Variants in MRPL19 observed in about 807,000 individuals in gnomAD.
MRPL19 encodes the protein large ribosomal subunit protein bL19m.
Under a neutral mutation model 34.0 loss-of-function variants are expected in MRPL19, and 31 were observed. That is an observed-to-expected ratio of 0.91 (90% confidence interval 0.68 to 1.23). The LOEUF (loss-of-function observed/expected upper bound fraction) is 1.23. Ranked by LOEUF, MRPL19 falls within the 50% of genes most tolerant of loss-of-function variation. The pLI is 0.00. For missense variants in MRPL19, 384 were observed against 367.6 expected (o/e 1.04, Z -0.37); for synonymous variants, 152 against 127.7 (o/e 1.19, Z -1.28).
chr2:75,649,522 T>C (rs764753247), intron 2 of MRPL19, among the ~76,000 whole-genome samples: 1 of 152,196 alleles, frequency 6.6e-6, no homozygotes, highest in Non-Finnish European at 1.5e-5. Context: ...ACCTTTGTAT[T>C]AGATTATGTT....
chr2:75,652,409 T>A, intron 3 of MRPL19, 114 bp from the exon 4 acceptor site: 1 of 1,362,596 alleles, frequency 7.3e-7, no homozygotes, highest in South Asian at 1.3e-5. Flanking sequence ...ATTAAAACAT[T>A]TAGGAAGTTA....
intron 2 of MRPL19, among the ~76,000 whole-genome samples, chr2:75,647,906 T>A (rs1034158098): frequency 6.6e-6 from 1 of 152,132 alleles, no homozygotes; most frequent in Non-Finnish European, 1.5e-5. Flanking sequence ...AAATTTTTTT[T>A]AGACAGAGTC....
Position 75,658,296 on chromosome 2 carries a change from A to T in MRPL19, c.*3011A>T, listed in dbSNP as rs534677730. ...TGCTGGTCTTGAGTTCCTGGCCTCA[A>T]GCAGTCCTTAAGATTCATCCATGTT... is the stretch of plus-strand genomic sequence containing the variant. On this transcript the variant is annotated 3_prime_UTR_variant, in exon 6 of 6. Coordinates refer to ENST00000393909, the MANE Select transcript of MRPL19 (RefSeq NM_014763.4). Among the ~76,000 whole-genome samples, 1 of 152,222 alleles carries T rather than the reference A, an allele frequency of 6.6e-6. No homozygotes were observed. Among genetic ancestry groups the T allele is most frequent in the South Asian group, 2.1e-4 (1 of 4,828 alleles).
chr2:75,661,182 G>C lies in MRPL19; in HGVS notation c.*5897G>C, dbSNP rs1250248447. 1.3e-5 allele frequency: 2 copies of C among 152,148 alleles called. No individual in the cohort carries two copies. The highest frequency in any genetic ancestry group is 4.8e-5 in the African/African-American group (2 of 41,432). 9.4% of individuals were successfully genotyped at this position (152,148 alleles called of 1,614,324 possible). On this transcript the variant is annotated 3_prime_UTR_variant, in exon 6 of 6. Coordinates refer to ENST00000393909, the MANE Select transcript of MRPL19 (RefSeq NM_014763.4). ...GCTGCAACACCAGGGAGCTTGTGGG[G>C]GAAGGGCAAGCAGAAATGTCACAAA...
intron 2 of MRPL19, chr2:75,651,264 T>C (rs1451724170): frequency 2.1e-6 from 1 of 487,194 alleles, no homozygotes; most frequent in Non-Finnish European, 4.1e-6. Context: ...GAAGAGAAAA[T>C]GGTTCAGGGA....
At position 75,647,004 on chromosome 2, in the gene MRPL19, T is replaced by A; in HGVS notation, c.103+94T>A. On this transcript the variant is annotated intron_variant, in intron 1 of 5. Coordinates refer to ENST00000393909, the MANE Select transcript of MRPL19 (RefSeq NM_014763.4). ...TGGAGATCAGAGGCAACCCCAGCGT[T>A]GGTCCCCCGTGGGACGCCGGGTTGG... is the stretch of plus-strand genomic sequence containing the variant. 4 of 1,478,346 alleles carry A rather than the reference T, an allele frequency of 2.7e-6. No individual in the cohort carries two copies. In the South Asian group the frequency reaches 4.0e-5, roughly 15 times the overall value. 91.6% of individuals were successfully genotyped at this position (1,478,346 alleles called of 1,614,324 possible). A position where few individuals can be genotyped will look rare whatever the true frequency, so the allele number is the denominator to read the frequency against.
chr2:75,659,826 T>G lies in MRPL19; in HGVS notation c.*4541T>G, dbSNP rs930845512. ...GCTCAGCTTTTGTCTTTTGACAGTT[T>G]GATTATAACGCGGCTCAGTGTGGGT... is the stretch of plus-strand genomic sequence containing the variant. On this transcript the variant is annotated 3_prime_UTR_variant, in exon 6 of 6. Transcript: ENST00000393909. Among the ~76,000 whole-genome samples, 3 of 152,202 alleles carry G rather than the reference T, an allele frequency of 2.0e-5. No homozygotes were observed. Among genetic ancestry groups the G allele is most frequent in the African/African-American group, 7.2e-5 (3 of 41,464 alleles).
chr2:75,649,064 T>G (rs34827428), intron 2 of MRPL19, among the ~76,000 whole-genome samples: 29,361 of 152,138 alleles, frequency 0.19, 3,554 homozygotes, highest in South Asian at 0.27. Flanking sequence ...ATCATCTCCC[T>G]GTAATATTCT....
rs1197385890 is a variant in MRPL19 at position 75,659,449 on chromosome 2, A to G, written c.*4164A>G. Among the ~76,000 whole-genome samples, 1 of 152,132 alleles carries G rather than the reference A, an allele frequency of 6.6e-6. No individual in the cohort carries two copies. The highest frequency in any genetic ancestry group is 1.5e-5 in the Non-Finnish European group (1 of 67,994). ...TACTGACTTTTATATTTGTCAATAT[A>G]TTTATCTTATTTTGGATCCTTATTT... is the stretch of plus-strand genomic sequence containing the variant. On this transcript the variant is annotated 3_prime_UTR_variant, in exon 6 of 6. Coordinates refer to ENST00000393909, the MANE Select transcript of MRPL19 (RefSeq NM_014763.4).
rs1678430826 is a variant in MRPL19, at chr2:75,655,576, G to A, written c.*291G>A. On this transcript the variant is annotated 3_prime_UTR_variant, in exon 6 of 6. Transcript: ENST00000393909. ...TAATGAGCATGGAACCTGAGCAAAGGGAATAGGTGGGATGAATTTTTTTTT... is the reference window on the plus strand; with the variant it reads ...TAATGAGCATGGAACCTGAGCAAAGAGAATAGGTGGGATGAATTTTTTTTT... 8.3e-6 allele frequency: 2 copies of A among 242,402 alleles called. No individual in the cohort carries two copies. Among genetic ancestry groups the A allele is most frequent in the South Asian group, 1.3e-4 (1 of 7,932 alleles). 15.0% of individuals were successfully genotyped at this position (242,402 alleles called of 1,614,324 possible).
At position 75,650,740 on chromosome 2, in the gene MRPL19, C is replaced by A. The variant is rs79874767; in HGVS notation, c.222-1402C>A. On this transcript the variant is annotated intron_variant, in intron 2 of 5. Coordinates refer to ENST00000393909, the MANE Select transcript of MRPL19 (RefSeq NM_014763.4). ...AGAGCGGTAAACAGAAGAGAAGAGA[C>A]GAGGAGGGGGAAAAGCAAGAATTAT... 8.3e-3 allele frequency among the ~76,000 whole-genome samples: 1,257 copies of A among 151,834 alleles called. 10 individuals are homozygous for A. Among genetic ancestry groups the A allele is most frequent in the South Asian group, 0.017 (79 of 4,768 alleles).
chr2:75,646,912 T>G lies in MRPL19; in HGVS notation c.103+2T>G. On this transcript the variant is annotated splice_donor_variant, in intron 1 of 5. Coordinates refer to ENST00000393909, the MANE Select transcript of MRPL19 (RefSeq NM_014763.4). LOFTEE classifies it high-confidence loss of function. ...CCCCGCCGGCCTCTATCGCCTGCAGTAAGTGGAGCCGGACTTGCGAGCTGG... is the reference window on the plus strand; with the variant it reads ...CCCCGCCGGCCTCTATCGCCTGCAGGAAGTGGAGCCGGACTTGCGAGCTGG... 1 of 1,584,986 alleles carries G rather than the reference T, an allele frequency of 6.3e-7. No homozygotes were observed. Among genetic ancestry groups the G allele is most frequent in the Non-Finnish European group, 8.6e-7 (1 of 1,166,150 alleles).
At chr2:75,652,462 A>G in intron 3 of MRPL19, 61 bp from the exon 4 acceptor site, 1 of 1,565,672 alleles carries the variant, frequency 6.4e-7, no homozygotes, top group Non-Finnish European at 8.7e-7. Context: ...CATCTTATAT[A>G]AAGTTTACTT....
intron 2 of MRPL19, among the ~76,000 whole-genome samples, chr2:75,648,042 CTTTT>C (rs772069914): frequency 1.3e-5 from 2 of 149,254 alleles, no homozygotes; most frequent in African/African-American, 2.5e-5. Flanking sequence ...CCACGCCTGG[CTTTT>C]TTTTTTCTTT....
chr2:75,654,862 A>T lies in MRPL19; in HGVS notation c.602A>T (p.Asp201Val). ...RDALPEYSTF[D>V]VNMKPVVQEP... ...GCCCTTCCTGAATATAGCACTTTTG[A>T]TGTGAATATGAAGCCAGTAGTACAA... is the stretch of plus-strand genomic sequence containing the variant. The change falls in exon 5 of 6, where the codon GAT becomes GTT. Residue 201 changes from aspartate (D) to valine (V), a missense_variant. Transcript: ENST00000393909. 1 of 1,613,792 alleles carries T rather than the reference A, an allele frequency of 6.2e-7. No individual in the cohort carries two copies. Among genetic ancestry groups the T allele is most frequent in the Non-Finnish European group, 8.5e-7 (1 of 1,179,890 alleles).
intron 2 of MRPL19, among the ~76,000 whole-genome samples, chr2:75,647,889 AT>A (rs1359628855): frequency 6.6e-6 from 1 of 151,952 alleles, no homozygotes; most frequent in Admixed American, 6.6e-5. Context: ...TAATTTTTTT[AT>A]TTTTTAAATT....
rs1276597716 is a variant in MRPL19, at chr2:75,656,886, C to T, written c.*1601C>T. On this transcript the variant is annotated 3_prime_UTR_variant, in exon 6 of 6. Transcript: ENST00000393909. ...TTATTTGGATGTTGGATATCCAGCACTGGGTATCTATTTTCTTACCTCCCT... is the reference window on the plus strand; with the variant it reads ...TTATTTGGATGTTGGATATCCAGCATTGGGTATCTATTTTCTTACCTCCCT... 6.6e-6 allele frequency: 1 copy of T among 152,090 alleles called. No individual in the cohort carries two copies. Among genetic ancestry groups the T allele is most frequent in the Non-Finnish European group, 1.5e-5 (1 of 68,022 alleles). 9.4% of individuals were successfully genotyped at this position (152,090 alleles called of 1,614,324 possible).
At chr2:75,655,029 GCT>G (rs1678413336) in intron 5 of MRPL19, 33 bp from the exon 6 acceptor site, 2 of 1,052,452 alleles carry the variant, frequency 1.9e-6, no homozygotes, top group Non-Finnish European at 1.3e-6. Context: ...CCTAATTATT[GCT>G]TTTTTTTTTT....
At position 75,656,158 on chromosome 2, in the gene MRPL19, G is replaced by A. The variant is rs149183351; in HGVS notation, c.*873G>A. ...AACTGTTTTTTGATGCTCACAGCATGATGAATCAAACTCTGTATCTTAGGA... is the reference window on the plus strand; with the variant it reads ...AACTGTTTTTTGATGCTCACAGCATAATGAATCAAACTCTGTATCTTAGGA... On this transcript the variant is annotated 3_prime_UTR_variant, in exon 6 of 6. Coordinates refer to ENST00000393909, the MANE Select transcript of MRPL19 (RefSeq NM_014763.4). The A allele has an allele frequency of 1.2e-3, 182 of 152,286 alleles. 1 individual carries two copies. Among genetic ancestry groups the A allele is most frequent in the African/African-American group, 3.9e-3 (164 of 41,566 alleles). The allele number at this position is 152,286 out of a possible 1,614,324, so 9.4% of individuals were successfully genotyped here.
Sources: allele counts gnomAD v4.1 joint callset (sites outside exome capture counted in the v4.1 genomes callset), GRCh38; gene constraint gnomAD v4.1.1; transcripts MANE v1.5; gene names NCBI Gene and HGNC (gene_info 2026-07-23, HGNC 2026-07-21).